NR2F6: variants seen among roughly 807,000 people sequenced by gnomAD.
The protein encoded by NR2F6 is nuclear receptor subfamily 2 group F member 6.
A neutral mutation model predicts 26.5 loss-of-function variants in NR2F6; 16 were observed. The ratio of observed to expected loss-of-function variants is 0.60; its 90% CI spans 0.41 to 0.92. The LOEUF (loss-of-function observed/expected upper bound fraction) is 0.92, where lower values mean the gene tolerates loss of function less well. Ranked by LOEUF, NR2F6 falls within the 40% of genes least tolerant of loss-of-function variation. The pLI is 0.00. For synonymous variants in NR2F6, 325 were observed against 305.0 expected (o/e 1.07, Z -0.68); for missense variants, 536 against 631.7 (o/e 0.85, Z 1.62).
intron 2 of NR2F6, 64 bp downstream of exon 2, chr19:17,240,607 C>T (rs2145567573): frequency 6.5e-7 from 1 of 1,529,274 alleles, no homozygotes; most frequent in Non-Finnish European, 9.1e-7. Flanking sequence ...GAGGAAGAAG[C>T]TGTTTGTTCA....
intron 3 of NR2F6, among the ~76,000 whole-genome samples, chr19:17,234,965 A>C (rs573111353): frequency 6.6e-6 from 1 of 152,364 alleles, no homozygotes; most frequent in South Asian, 2.1e-4. Context: ...CTGATGGTTA[A>C]GAAAGTTCTG....
At position 17,245,304 on chromosome 19, in the gene NR2F6, G is replaced by A; in HGVS notation, c.-84C>T. ...CTCGGCCCGGGGGACCCTACGCGGCGCGCATTCGGCCCCGGCGCGCGGGGG... is the reference window on the plus strand; with the variant it reads ...CTCGGCCCGGGGGACCCTACGCGGCACGCATTCGGCCCCGGCGCGCGGGGG... On this transcript the variant is annotated 5_prime_UTR_variant, in exon 1 of 4. Coordinates refer to ENST00000291442, the MANE Select transcript of NR2F6 (RefSeq NM_005234.4). The surrounding 1 kb of genome is among the most constrained non-coding windows in gnomAD (Gnocchi z 5.0). 8.8e-7 allele frequency: 1 copy of A among 1,138,086 alleles called. No individual in the cohort carries two copies. Among genetic ancestry groups the A allele is most frequent in the Non-Finnish European group, 1.1e-6 (1 of 918,602 alleles). The allele number at this position is 1,138,086 out of a possible 1,614,324, so 70.5% of individuals were successfully genotyped here.
chr19:17,235,178 G>C lies in NR2F6; in HGVS notation c.940+321C>G, dbSNP rs1410481312. Among the ~76,000 whole-genome samples the C allele has an allele frequency of 3.9e-5, 6 of 152,238 alleles. No homozygotes were observed. In the East Asian group the frequency reaches 1.2e-3, roughly 29 times the overall value. ...AAGCCTGAAGAGCCCTTTGGTGAGG[G>C]AGTAGGGGTCTCAGGGAGCCTGGGA... On this transcript the variant is annotated intron_variant, in intron 3 of 3. Coordinates refer to ENST00000291442, the MANE Select transcript of NR2F6 (RefSeq NM_005234.4). This position sits in a 1 kb window ranked among gnomAD's most constrained non-coding sequence, Gnocchi z 5.0.
chr19:17,235,789 G>A lies in NR2F6; in HGVS notation c.650C>T (p.Ala217Val), dbSNP rs1425569794. The A allele has an allele frequency of 2.7e-6, 4 of 1,495,758 alleles. No homozygotes were observed. The highest frequency in any genetic ancestry group is 1.2e-5 in the South Asian group (1 of 80,046). The allele number at this position is 1,495,758 out of a possible 1,614,324, so 92.7% of individuals were successfully genotyped here. Residue 217 changes from alanine (A) to valine (V), a missense_variant, in exon 3 of 4, where the codon GCG becomes GTG. Transcript: ENST00000291442. This position sits in a 1 kb window ranked among gnomAD's most constrained non-coding sequence, Gnocchi z 5.0. ...ARLLFSTVEW[A>V]RHAPFFPELP... is the part of the protein sequence containing the mutation. ...CTCGGGGAAGAAGGGCGCGTGGCGC[G>A]CCCACTCCACGGTGCTGAAGAGCAG...
At chr19:17,243,840 C>T (rs1332902510) in intron 1 of NR2F6, among the ~76,000 whole-genome samples, 1 of 152,190 alleles carries the variant, frequency 6.6e-6, no homozygotes, top group Admixed American at 6.5e-5. Flanking sequence ...GTGCCCCCAA[C>T]TCGGGCAGCG....
At chr19:17,242,260 G>T (rs1286529968) in intron 1 of NR2F6, among the ~76,000 whole-genome samples, 1 of 152,214 alleles carries the variant, frequency 6.6e-6, no homozygotes, top group Non-Finnish European at 1.5e-5. Flanking sequence ...AGAGGTTGCA[G>T]TGAGTTGAGA....
At chr19:17,240,602 A>G in intron 2 of NR2F6, 69 bp downstream of exon 2, 1 of 1,507,598 alleles carries the variant, frequency 6.6e-7, no homozygotes. Flanking sequence ...AAGGGGAGGA[A>G]GAAGCTGTTT....
Position 17,245,188 on chromosome 19 carries a change from G to T in NR2F6, c.33C>A (p.Pro11=), listed in dbSNP as rs904793410. 7.2e-7 allele frequency: 1 copy of T among 1,384,612 alleles called. No homozygotes were observed. The highest frequency in any genetic ancestry group is 3.1e-5 in the Admixed American group (1 of 32,026). The allele number at this position is 1,384,612 out of a possible 1,614,324, so 85.8% of individuals were successfully genotyped here. MAMVTGGWGG[P]GGDTNGVDKA... is the part of the protein sequence containing the mutation. Reference sequence around the variant, plus strand: ...TGTCCACGCCGTTCGTGTCGCCGCCGGGGCCGCCCCAGCCGCCGGTCACCA... The same window carrying T: ...TGTCCACGCCGTTCGTGTCGCCGCCTGGGCCGCCCCAGCCGCCGGTCACCA... Residue 11 remains proline, a synonymous_variant, in exon 1 of 4, where the codon CCC becomes CCA. Transcript: ENST00000291442. This position sits in a 1 kb window ranked among gnomAD's most constrained non-coding sequence, Gnocchi z 5.0.
Position 17,245,023 on chromosome 19 carries a change from C to T in NR2F6, c.198G>A (p.Lys66=). The change falls in exon 1 of 4, where the codon AAG becomes AAA. Residue 66 remains lysine, a synonymous_variant. Transcript: ENST00000291442. The surrounding 1 kb of genome is among the most constrained non-coding windows in gnomAD (Gnocchi z 5.0). ...CVVCGDKSSG[K]HYGVFTCEGC... ...CCTCGCAGGTGAAGACACCGTAATG[C>T]TTGCCGCTCGACTTGTCCCCGCACA... 1 of 1,601,416 alleles carries T rather than the reference C, an allele frequency of 6.2e-7. No homozygotes were observed. Among genetic ancestry groups the T allele is most frequent in the Non-Finnish European group, 8.5e-7 (1 of 1,174,676 alleles).
At chr19:17,237,113 G>T (rs372842122) in intron 2 of NR2F6, among the ~76,000 whole-genome samples, 1 of 152,094 alleles carries the variant, frequency 6.6e-6, no homozygotes, top group African/African-American at 2.4e-5. Flanking sequence ...GGAGGGGAAC[G>T]CGAGCAGAAG....
chr19:17,235,594 A>G lies in NR2F6; in HGVS notation c.845T>C (p.Val282Ala). The change falls in exon 3 of 4, where the codon GTG becomes GCG. Residue 282 changes from valine (V) to alanine (A), a missense_variant. Transcript: ENST00000291442. This position sits in a 1 kb window ranked among gnomAD's most constrained non-coding sequence, Gnocchi z 5.0. ...GTCCACCTGCTCCTGGAAGGCGCGC[A>G]CCTGGTCCATGAAAGCCACGGCGCG... ...AERAVAFMDQ[V>A]RAFQEQVDKL... is the part of the protein sequence containing the mutation. 1 of 1,583,748 alleles carries G rather than the reference A, an allele frequency of 6.3e-7. No homozygotes were observed.
intron 3 of NR2F6, among the ~76,000 whole-genome samples, chr19:17,233,551 GAAGTGT>G (rs2073419697): frequency 6.6e-6 from 1 of 152,098 alleles, no homozygotes; most frequent in Non-Finnish European, 1.5e-5. Context: ...CGCCCAGGCT[GAAGTGT>G]AGTGGCACGA....
At chr19:17,242,696 C>A (rs897259569) in intron 1 of NR2F6, among the ~76,000 whole-genome samples, 1 of 152,208 alleles carries the variant, frequency 6.6e-6, no homozygotes, top group African/African-American at 2.4e-5. Flanking sequence ...TCCAGGGCAG[C>A]CGGGTGGAAA....
At chr19:17,241,898 C>T (rs1475542768) in intron 1 of NR2F6, among the ~76,000 whole-genome samples, 1 of 151,962 alleles carries the variant, frequency 6.6e-6, no homozygotes, top group Non-Finnish European at 1.5e-5. Context: ...TGCCTGTAAT[C>T]CCAGCTACTT....
chr19:17,241,977 C>T (rs2073472000), intron 1 of NR2F6, among the ~76,000 whole-genome samples: 1 of 146,724 alleles, frequency 6.8e-6, no homozygotes, highest in African/African-American at 2.5e-5. Flanking sequence ...GATTGACCCA[C>T]TGCATTCCAG....
intron 1 of NR2F6, among the ~76,000 whole-genome samples, chr19:17,243,017 C>T (rs1171500299): frequency 6.6e-6 from 1 of 152,204 alleles, no homozygotes; most frequent in African/African-American, 2.4e-5. Flanking sequence ...GCATTTCAGG[C>T]CCACCTAGCT....
intron 1 of NR2F6, among the ~76,000 whole-genome samples, chr19:17,241,898 C>G (rs1475542768): frequency 6.6e-6 from 1 of 151,962 alleles, no homozygotes; most frequent in Admixed American, 6.6e-5. Context: ...TGCCTGTAAT[C>G]CCAGCTACTT....
intron 2 of NR2F6, among the ~76,000 whole-genome samples, chr19:17,238,177 T>C (rs910558366): frequency 3.0e-4 from 45 of 152,156 alleles, no homozygotes; most frequent in Admixed American, 2.5e-3. Flanking sequence ...ATCTATACCT[T>C]AAAATAATGC....
In NR2F6 at chr19:17,236,490, C is replaced by A. The variant is rs556956989; in HGVS notation, c.374-425G>T. Among the ~76,000 whole-genome samples, 261 of 152,146 alleles carry A rather than the reference C, an allele frequency of 1.7e-3. 1 individual carries two copies. The highest frequency in any genetic ancestry group is 5.9e-3 in the African/African-American group (246 of 41,502). On this transcript the variant is annotated intron_variant, in intron 2 of 3. Coordinates refer to ENST00000291442, the MANE Select transcript of NR2F6 (RefSeq NM_005234.4). ...TCCCTGTCTAGGTCCAGCCACCACC[C>A]CCCACCCCCAGCTCCTGGGGACAAG...
Sources: allele counts gnomAD v4.1 joint callset (sites outside exome capture counted in the v4.1 genomes callset), GRCh38; gene constraint gnomAD v4.1.1; non-coding constraint Gnocchi (gnomAD v3.1); transcripts MANE v1.5; gene names NCBI Gene and HGNC (gene_info 2026-07-23, HGNC 2026-07-21).